The following PIEZO2 variants were observed in gnomAD, a reference collection of about 807,000 sequenced individuals.
The protein encoded by PIEZO2 is piezo-type mechanosensitive ion channel component 2.
Under a neutral mutation model 337.3 loss-of-function variants are expected in PIEZO2, and 172 were observed. The observed-to-expected ratio is 0.51, with a 90% CI of 0.45 to 0.58. PIEZO2 has a LOEUF of 0.58. Ranked by LOEUF, PIEZO2 falls within the 20% of genes least tolerant of loss-of-function variation. The pLI, the probability that PIEZO2 is intolerant of heterozygous loss-of-function variation, is 0.00. For synonymous variants in PIEZO2, 1,251 were observed against 1,228.5 expected (o/e 1.02, Z -0.38); for missense variants, 3,028 against 3,391.3 (o/e 0.89, Z 2.66).
At chr18:10,733,685 T>A (rs2144091913) in intron 35 of PIEZO2, among the ~76,000 whole-genome samples, 1 of 152,256 alleles carries the variant, frequency 6.6e-6, no homozygotes, top group East Asian at 1.9e-4. Context: ...CCTGACCTCG[T>A]GATCTGCCCG....
rs3748422 is a variant in PIEZO2, at chr18:10,691,218, G to A, written c.7349+7C>T. ...ATAAGTGACTGTGACGTTGCAGAGC[G>A]TCCTACCCTTGGAATAAGAAGAGGT... On this transcript the variant is annotated splice_region_variant and intron_variant, in intron 48 of 55. Coordinates refer to ENST00000674853, the MANE Select transcript of PIEZO2 (RefSeq NM_001378183.1). 0.37 allele frequency: 591,936 copies of A among 1,610,936 alleles called. 110,021 individuals carry two copies. The highest frequency in any genetic ancestry group is 0.38 in the Non-Finnish European group (447,361 of 1,177,996).
At chr18:10,977,601 C>T (rs904528431) in intron 3 of PIEZO2, among the ~76,000 whole-genome samples, 4 of 152,066 alleles carry the variant, frequency 2.6e-5, no homozygotes, top group Non-Finnish European at 4.4e-5. Flanking sequence ...ATAATAAATG[C>T]TCTTTATCAA....
intron 7 of PIEZO2, among the ~76,000 whole-genome samples, chr18:10,840,859 C>T (rs1332528094): frequency 6.6e-6 from 1 of 152,136 alleles, no homozygotes; most frequent in Non-Finnish European, 1.5e-5. Context: ...ACATGCATTC[C>T]TCTTGCCCAG....
At position 10,940,156 on chromosome 18, in the gene PIEZO2, A is replaced by G. The variant is rs1471512323; in HGVS notation, c.287-28928T>C. Among the ~76,000 whole-genome samples the G allele has an allele frequency of 6.6e-6, 1 of 152,298 alleles. No individual in the cohort carries two copies. The highest frequency in any genetic ancestry group is 2.4e-5 in the African/African-American group (1 of 41,566). ...TCAGAGGAGGCTTTGGCCATCTTTG[A>G]TTAGCACACGAATTTGTTATTTATT... is the stretch of plus-strand genomic sequence containing the variant. On this transcript the variant is annotated intron_variant, in intron 3 of 55. Coordinates refer to ENST00000674853, the MANE Select transcript of PIEZO2 (RefSeq NM_001378183.1). The surrounding 1 kb of genome is among the most constrained non-coding windows in gnomAD (Gnocchi z 5.3).
rs2041498844 is a variant in PIEZO2 at position 10,850,121 on chromosome 18, G to A, written c.917+5232C>T. Among the ~76,000 whole-genome samples the A allele has an allele frequency of 6.6e-6, 1 of 152,092 alleles. No individual in the cohort carries two copies. Among genetic ancestry groups the A allele is most frequent in the African/African-American group, 2.4e-5 (1 of 41,378 alleles). ...ACATTTTGTTTTGGAAAATATGCTCGTGCCACACCTGTGTGCATAAACGGA... is the reference window on the plus strand; with the variant it reads ...ACATTTTGTTTTGGAAAATATGCTCATGCCACACCTGTGTGCATAAACGGA... On this transcript the variant is annotated intron_variant, in intron 7 of 55. Transcript: ENST00000674853. This position sits in a 1 kb window ranked among gnomAD's most constrained non-coding sequence, Gnocchi z 4.5.
intron 3 of PIEZO2, among the ~76,000 whole-genome samples, chr18:10,934,414 G>A (rs150784361): frequency 6.2e-4 from 95 of 152,194 alleles, no homozygotes; most frequent in Admixed American, 1.2e-3. Context: ...ATACTCCTGC[G>A]GCTCTCATGG....
intron 3 of PIEZO2, among the ~76,000 whole-genome samples, chr18:10,917,776 C>T (rs1467163316): frequency 6.6e-6 from 1 of 152,154 alleles, no homozygotes; most frequent in African/African-American, 2.4e-5. Context: ...AATATTTTCA[C>T]ATACTGTAGG....
rs1326928897 is a variant in PIEZO2, at chr18:11,132,804, C to T, written c.64+15721G>A. Among the ~76,000 whole-genome samples, 1 of 152,106 alleles carries T rather than the reference C, an allele frequency of 6.6e-6. No homozygotes were observed. The highest frequency in any genetic ancestry group is 1.5e-5 in the Non-Finnish European group (1 of 68,014). On this transcript the variant is annotated intron_variant, in intron 1 of 55. Transcript: ENST00000674853. The surrounding 1 kb of genome is among the most constrained non-coding windows in gnomAD (Gnocchi z 4.7). ...ACAGTGTTGGCTGCGGTGACTGACC[C>T]AGAATCACTGGGTCATCTCCAGCAT...
intron 3 of PIEZO2, among the ~76,000 whole-genome samples, chr18:10,974,981 G>A (rs1218690844): frequency 6.6e-6 from 1 of 152,174 alleles, no homozygotes; most frequent in African/African-American, 2.4e-5. Context: ...TCCACCCTGA[G>A]GACTTGTTTA....
In PIEZO2 at chr18:11,111,423, A is replaced by T. The variant is rs145294760; in HGVS notation, c.64+37102T>A. ...AAACCTAGATTTCCAATTTCTTTTT[A>T]AAAAATTATACCATCTGGCAAAACT... On this transcript the variant is annotated intron_variant, in intron 1 of 55. Transcript: ENST00000674853. The surrounding 1 kb of genome is among the most constrained non-coding windows in gnomAD (Gnocchi z 6.2). Among the ~76,000 whole-genome samples the T allele has an allele frequency of 7.1e-3, 1,086 of 152,332 alleles. 7 individuals are homozygous for T. Among genetic ancestry groups the T allele is most frequent in the African/African-American group, 0.025 (1,026 of 41,574 alleles).
At position 10,705,761 on chromosome 18, in the gene PIEZO2, C is replaced by A. The variant is rs1424457456; in HGVS notation, c.5589-15G>T. 1.3e-6 allele frequency: 2 copies of A among 1,506,728 alleles called. No individual in the cohort carries two copies. The highest frequency in any genetic ancestry group is 2.1e-5 in the Admixed American group (1 of 48,216). The allele number at this position is 1,506,728 out of a possible 1,614,324, so 93.3% of individuals were successfully genotyped here. A position where few individuals can be genotyped will look rare whatever the true frequency, so the allele number is the denominator to read the frequency against. On this transcript the variant is annotated splice_polypyrimidine_tract_variant and intron_variant, in intron 40 of 55. Transcript: ENST00000674853. ...GCGTGGGCTCGCTGTTGGGAGAAAG[C>A]GTGGGCACAGAGCCCATGTCTTAGC...
intron 2 of PIEZO2, among the ~76,000 whole-genome samples, chr18:11,012,247 A>G (rs2035933989): frequency 6.6e-6 from 1 of 152,230 alleles, no homozygotes; most frequent in South Asian, 2.1e-4. Context: ...ACATCTAAAT[A>G]TCAGCTAAAG....
chr18:10,774,220 G>A (rs1194108704), intron 18 of PIEZO2, among the ~76,000 whole-genome samples, 182 bp from the exon 19 acceptor site: 1 of 152,148 alleles, frequency 6.6e-6, no homozygotes, highest in Admixed American at 6.5e-5. Context: ...GCTTTGCTCT[G>A]AACCCTAGGC....
In PIEZO2 at chr18:10,993,131, C is replaced by T. The variant is rs943783112; in HGVS notation, c.161-13471G>A. Among the ~76,000 whole-genome samples the T allele has an allele frequency of 2.0e-5, 3 of 152,122 alleles. No homozygotes were observed. Among genetic ancestry groups the T allele is most frequent in the East Asian group, 1.9e-4 (1 of 5,180 alleles). On this transcript the variant is annotated intron_variant, in intron 2 of 55. Transcript: ENST00000674853. The surrounding 1 kb of genome is among the most constrained non-coding windows in gnomAD (Gnocchi z 5.0). ...AGCTTAAGGAGATTTGGGGCTGAGA[C>T]GATGGGGTTTTCTAAATATACGACC...
chr18:10,714,724 C>T (rs2035945096), intron 39 of PIEZO2, 40 bp downstream of exon 39: 1 of 1,529,788 alleles, frequency 6.5e-7, no homozygotes, highest in Non-Finnish European at 8.8e-7. Flanking sequence ...ACCTCATTTA[C>T]CTTTGTCAAA....
At chr18:10,913,762 C>T (rs1258502980) in intron 3 of PIEZO2, among the ~76,000 whole-genome samples, 2 of 152,154 alleles carry the variant, frequency 1.3e-5, no homozygotes, top group Non-Finnish European at 2.9e-5. Context: ...TGAGAATAAA[C>T]ATTAGGCCAC....
In PIEZO2 at chr18:10,807,890, G is replaced by A. The variant is rs374170621; in HGVS notation, c.918-616C>T. Reference sequence around the variant, plus strand: ...TTCTTTGAAATATGACTTTGAGTCTGTTACATTTTGAAATGTTTAATTTTT... The same window carrying A: ...TTCTTTGAAATATGACTTTGAGTCTATTACATTTTGAAATGTTTAATTTTT... On this transcript the variant is annotated intron_variant, in intron 7 of 55. Coordinates refer to ENST00000674853, the MANE Select transcript of PIEZO2 (RefSeq NM_001378183.1). 2.0e-3 allele frequency among the ~76,000 whole-genome samples: 298 copies of A among 152,194 alleles called. 2 individuals are homozygous for A. The highest frequency in any genetic ancestry group is 6.9e-3 in the African/African-American group (285 of 41,542).
intron 27 of PIEZO2, among the ~76,000 whole-genome samples, chr18:10,753,570 C>A (rs975602703): frequency 6.6e-6 from 1 of 152,206 alleles, no homozygotes; most frequent in East Asian, 1.9e-4. Context: ...CAAGTCCCAA[C>A]TGCATTTCTT....
At chr18:10,998,274 A>G (rs900405793) in intron 2 of PIEZO2, among the ~76,000 whole-genome samples, 1 of 152,106 alleles carries the variant, frequency 6.6e-6, no homozygotes, top group African/African-American at 2.4e-5. Flanking sequence ...ATGGTACCAA[A>G]AAAACACGTG....
Sources: allele counts gnomAD v4.1 joint callset (sites outside exome capture counted in the v4.1 genomes callset), GRCh38; gene constraint gnomAD v4.1.1; non-coding constraint Gnocchi (gnomAD v3.1); transcripts MANE v1.5; gene names NCBI Gene and HGNC (gene_info 2026-07-23, HGNC 2026-07-21).